Variants in CPQ observed in about 807,000 individuals in gnomAD.
The protein encoded by CPQ is Ser-Met dipeptidase.
In CPQ, 37 loss-of-function variants were observed where a neutral mutation model predicts 45.7. That is an observed-to-expected ratio of 0.81 (90% CI 0.62 to 1.07). The LOEUF (loss-of-function observed/expected upper bound fraction) is 1.07. Among genes scored for constraint, CPQ ranks in the 50% least tolerant of loss-of-function variants. The pLI, the probability that CPQ is intolerant of heterozygous loss-of-function variation, is 0.00. For synonymous variants in CPQ, 186 were observed against 205.8 expected (o/e 0.90, Z 0.82); for missense variants, 537 against 572.9 (o/e 0.94, Z 0.64).
Position 96,754,764 on chromosome 8 carries a change from A to G in CPQ, c.-34-30100A>G, listed in dbSNP as rs112209418. On this transcript the variant is annotated intron_variant, in intron 1 of 7. Coordinates refer to ENST00000220763, the MANE Select transcript of CPQ (RefSeq NM_016134.4). The stretch of plus-strand genomic sequence containing the variant: ...GTTTCATTTACCTGTTGGTAAATAC[A>G]ATGAAATGAAATGATCTGTGCCAAA... 5.6e-3 allele frequency among the ~76,000 whole-genome samples: 859 copies of G among 152,208 alleles called. 13 individuals carry two copies. The highest frequency in any genetic ancestry group is 0.02 in the African/African-American group (823 of 41,586).
At chr8:96,931,320 T>C (rs1475850064) in intron 4 of CPQ, among the ~76,000 whole-genome samples, 1 of 152,240 alleles carries the variant, frequency 6.6e-6, no homozygotes, top group Non-Finnish European at 1.5e-5. Context: ...GTATGTGTTT[T>C]CCTTATAAAA....
At chr8:96,880,295 C>G (rs955252527) in intron 4 of CPQ, among the ~76,000 whole-genome samples, 1 of 151,524 alleles carries the variant, frequency 6.6e-6, no homozygotes, top group Non-Finnish European at 1.5e-5. Flanking sequence ...TACTTCAACC[C>G]CTGTGAAAAG....
chr8:96,801,426 T>C (rs981415210), intron 2 of CPQ, among the ~76,000 whole-genome samples: 1 of 152,228 alleles, frequency 6.6e-6, no homozygotes, highest in Admixed American at 6.5e-5. Context: ...TCACTCACTA[T>C]TTTATGACAT....
chr8:97,143,192 A>G lies in CPQ; in HGVS notation c.*9A>G, dbSNP rs1812196955. 29 of 1,612,966 alleles carry G rather than the reference A, an allele frequency of 1.8e-5. No homozygotes were observed. The highest frequency in any genetic ancestry group is 2.5e-5 in the Non-Finnish European group (29 of 1,179,616). Reference sequence around the variant, plus strand: ...TGCTGCCTAGGTCCTAGAAACAGTAAGAAAGAAACGTTTTCATGCTTCTGG... The same window carrying G: ...TGCTGCCTAGGTCCTAGAAACAGTAGGAAAGAAACGTTTTCATGCTTCTGG... On this transcript the variant is annotated 3_prime_UTR_variant, in exon 8 of 8. Coordinates refer to ENST00000220763, the MANE Select transcript of CPQ (RefSeq NM_016134.4).
At chr8:96,775,822 C>A (rs542424541) in intron 1 of CPQ, among the ~76,000 whole-genome samples, 3 of 152,222 alleles carry the variant, frequency 2.0e-5, no homozygotes, top group East Asian at 3.9e-4. Flanking sequence ...ATCTCCATAC[C>A]ATGGTGACAA....
At chr8:96,740,384 G>A (rs924991450) in intron 1 of CPQ, among the ~76,000 whole-genome samples, 6 of 152,156 alleles carry the variant, frequency 3.9e-5, no homozygotes, top group Admixed American at 6.5e-5. Flanking sequence ...GGGTTTTCTA[G>A]ATATACAATC....
intron 1 of CPQ, among the ~76,000 whole-genome samples, chr8:96,698,388 G>A (rs1809414113): frequency 6.6e-6 from 1 of 152,044 alleles, no homozygotes; most frequent in South Asian, 2.1e-4. Context: ...CTAAAACCAT[G>A]AAACTACTAT....
intron 4 of CPQ, among the ~76,000 whole-genome samples, chr8:96,928,255 A>G (rs921093696): frequency 1.3e-5 from 2 of 152,068 alleles, no homozygotes; most frequent in African/African-American, 4.8e-5. Flanking sequence ...GTGCTTTTCC[A>G]AAGAATGTAA....
intron 5 of CPQ, among the ~76,000 whole-genome samples, chr8:97,005,378 C>A (rs2130430862): frequency 6.6e-6 from 1 of 151,852 alleles, no homozygotes; most frequent in African/African-American, 2.4e-5. Flanking sequence ...CCGCTCCTGG[C>A]CTATGATCAT....
At chr8:96,736,774 T>G (rs886577110) in intron 1 of CPQ, among the ~76,000 whole-genome samples, 1 of 152,174 alleles carries the variant, frequency 6.6e-6, no homozygotes, top group East Asian at 1.9e-4. Flanking sequence ...AGATTTTATT[T>G]CTTTAATAAT....
intron 4 of CPQ, among the ~76,000 whole-genome samples, chr8:96,950,777 A>G (rs1317569215): frequency 1.3e-5 from 2 of 152,196 alleles, no homozygotes; most frequent in African/African-American, 4.8e-5. Context: ...TAGGCAATGC[A>G]TTAGGACCTT....
intron 7 of CPQ, among the ~76,000 whole-genome samples, chr8:97,097,829 A>C (rs1811235660): frequency 6.6e-6 from 1 of 152,198 alleles, no homozygotes; most frequent in East Asian, 1.9e-4. Context: ...AGAGAAAGAA[A>C]GAACATGTAA....
At chr8:96,726,974 T>A (rs904900377) in intron 1 of CPQ, among the ~76,000 whole-genome samples, 14 of 152,216 alleles carry the variant, frequency 9.2e-5, no homozygotes, top group African/African-American at 2.7e-4. Context: ...TTTTCTGTTA[T>A]AAGCATCAGC....
chr8:97,069,057 T>C (rs1406800657), intron 7 of CPQ, among the ~76,000 whole-genome samples: 2 of 152,224 alleles, frequency 1.3e-5, no homozygotes, highest in Non-Finnish European at 2.9e-5. Context: ...AGGAGTTTGT[T>C]ATTGTAAATA....
At position 97,122,971 on chromosome 8, in the gene CPQ, TA is replaced by T. The variant is rs1385806600; in HGVS notation, c.1256-20045del. Among the ~76,000 whole-genome samples, 199 of 54,388 alleles carry T rather than the reference TA, an allele frequency of 3.7e-3. 7 individuals are homozygous for T. The highest frequency in any genetic ancestry group is 6.5e-3 in the East Asian group (9 of 1,382). 35.7% of individuals were successfully genotyped at this position (54,388 alleles called of 152,430 possible). A position where few individuals can be genotyped will look rare whatever the true frequency, so the allele number is the denominator to read the frequency against. Reference sequence around the variant, plus strand: ...TAAAATAAAATAAAATAAAATAAAATAAAATAAAATTAAAATAAAATAAAAT... The same window carrying T: ...TAAAATAAAATAAAATAAAATAAAATAAATAAAATTAAAATAAAATAAAAT... On this transcript the variant is annotated intron_variant, in intron 7 of 7. Coordinates refer to ENST00000220763, the MANE Select transcript of CPQ (RefSeq NM_016134.4).
chr8:97,006,794 C>T (rs1172713067), intron 5 of CPQ, among the ~76,000 whole-genome samples: 1 of 152,176 alleles, frequency 6.6e-6, no homozygotes, highest in Admixed American at 6.5e-5. Context: ...CACAGAACAT[C>T]GGGGGCTGGA....
chr8:97,038,196 A>G (rs566255557), intron 6 of CPQ, among the ~76,000 whole-genome samples: 36 of 152,244 alleles, frequency 2.4e-4, no homozygotes, highest in Non-Finnish European at 4.1e-4. Flanking sequence ...TAACCTAAGT[A>G]AAACAATTGC....
intron 1 of CPQ, among the ~76,000 whole-genome samples, chr8:96,764,287 T>C (rs1810440722): frequency 6.6e-6 from 1 of 152,196 alleles, no homozygotes; most frequent in Non-Finnish European, 1.5e-5. Flanking sequence ...GCAAACATGC[T>C]AAATGATTCC....
At chr8:97,126,634 A>T (rs1338770612) in intron 7 of CPQ, among the ~76,000 whole-genome samples, 4 of 152,216 alleles carry the variant, frequency 2.6e-5, no homozygotes, top group African/African-American at 7.2e-5. Context: ...ATAATATTTT[A>T]AAAAATAACA....
Sources: allele counts gnomAD v4.1 joint callset (sites outside exome capture counted in the v4.1 genomes callset), GRCh38; gene constraint gnomAD v4.1.1; transcripts MANE v1.5; gene names NCBI Gene and HGNC (gene_info 2026-07-23, HGNC 2026-07-21).